The following MECOM variants were observed in gnomAD, a reference collection of about 807,000 sequenced individuals.
The protein encoded by MECOM is MDS1 and EVI1 complex locus.
Under a neutral mutation model 116.3 loss-of-function variants are expected in MECOM, and 13 were observed. The observed-to-expected ratio is 0.11, with a 90% CI of 0.07 to 0.18. The LOEUF (loss-of-function observed/expected upper bound fraction) is 0.18, where lower values mean the gene tolerates loss of function less well. Among genes scored for constraint, MECOM ranks in the 10% least tolerant of loss-of-function variants. The pLI is 1.00. For missense variants in MECOM, 1,299 were observed against 1,509.0 expected (o/e 0.86, Z 2.31); for synonymous variants, 528 against 535.2 (o/e 0.99, Z 0.19).
intron 1 of MECOM, among the ~76,000 whole-genome samples, chr3:169,477,319 T>C (rs908558077): frequency 6.6e-6 from 1 of 151,484 alleles, no homozygotes; most frequent in Non-Finnish European, 1.5e-5. Flanking sequence ...CTCATCAGCT[T>C]TTATCTTTGC....
intron 1 of MECOM, among the ~76,000 whole-genome samples, chr3:169,416,807 T>A (rs534868016): frequency 2.6e-5 from 4 of 151,944 alleles, no homozygotes; most frequent in Non-Finnish European, 5.9e-5. Context: ...ACGCCGCATA[T>A]CTACAACTAT....
intron 1 of MECOM, among the ~76,000 whole-genome samples, chr3:169,564,547 C>A (rs555502695): frequency 2.6e-5 from 4 of 152,220 alleles, no homozygotes; most frequent in African/African-American, 9.6e-5. Flanking sequence ...GTTTCCACAG[C>A]AGGTCTTAGG....
chr3:169,499,609 G>A (rs764401684), intron 1 of MECOM, among the ~76,000 whole-genome samples: 9 of 114,436 alleles, frequency 7.9e-5, no homozygotes, highest in East Asian at 2.5e-4. Flanking sequence ...AATTTACTTC[G>A]ACCAGGGGGA....
chr3:169,125,962 A>T (rs555815911), intron 5 of MECOM, among the ~76,000 whole-genome samples: 38 of 152,246 alleles, frequency 2.5e-4, no homozygotes, highest in African/African-American at 8.4e-4. Flanking sequence ...AAAGGAAAAA[A>T]TATTCAGAAA....
At chr3:169,277,423 A>G (rs183442632) in intron 2 of MECOM, among the ~76,000 whole-genome samples, 1 of 152,208 alleles carries the variant, frequency 6.6e-6, no homozygotes, top group Non-Finnish European at 1.5e-5. Flanking sequence ...GTTTCTATGC[A>G]GAAGTTTTTT....
chr3:169,388,005 G>A (rs1398674346), intron 1 of MECOM, among the ~76,000 whole-genome samples: 1 of 152,002 alleles, frequency 6.6e-6, no homozygotes, highest in South Asian at 2.1e-4. Flanking sequence ...AAAGAAGAGG[G>A]TGGGCCCAAG....
At chr3:169,105,421 C>A (rs767094876) in intron 10 of MECOM, among the ~76,000 whole-genome samples, 1 of 152,122 alleles carries the variant, frequency 6.6e-6, no homozygotes, top group South Asian at 2.1e-4. Flanking sequence ...CCAAAAGTAA[C>A]ACTTTTTTGC....
At chr3:169,250,154 G>C (rs1308351483) in intron 2 of MECOM, among the ~76,000 whole-genome samples, 3 of 152,160 alleles carry the variant, frequency 2.0e-5, no homozygotes, top group Non-Finnish European at 4.4e-5. Context: ...CTACAGAGCA[G>C]ACAATTTTCA....
intron 2 of MECOM, among the ~76,000 whole-genome samples, chr3:169,157,145 C>T (rs1019800227): frequency 9.9e-5 from 15 of 152,162 alleles, no homozygotes; most frequent in African/African-American, 1.7e-4. Context: ...TTCTATTGAA[C>T]GTGCTTGCTT....
rs1732347296 is a variant in MECOM, at chr3:169,381,320, T to C, written c.242A>G (p.Glu81Gly). Reference sequence around the variant, plus strand: ...CCCAGGCATATTTGACTCTCGAAGTTCAAACTCAGCAGGAATGGGGATATC... The same window carrying C: ...CCCAGGCATATTTGACTCTCGAAGTCCAAACTCAGCAGGAATGGGGATATC... ...PDDIPIPAEF[E>G]LRESNMPGAG... is the part of the protein sequence containing the mutation. Residue 81 changes from glutamate to glycine, a missense_variant, in exon 2 of 17, where the codon GAA becomes GGA. Glu to Gly is a moderately conservative substitution (Grantham distance 98). This residue lies in a region of MECOM where 374 missense variants were observed against 433.4 expected (regional missense o/e 0.86). Transcript: ENST00000651503. The C allele has an allele frequency of 6.2e-7, 1 of 1,613,844 alleles. No homozygotes were observed. Among genetic ancestry groups the C allele is most frequent in the Non-Finnish European group, 8.5e-7 (1 of 1,179,806 alleles).
chr3:169,368,666 T>C (rs1729583790), intron 2 of MECOM, among the ~76,000 whole-genome samples: 1 of 152,054 alleles, frequency 6.6e-6, no homozygotes, highest in Non-Finnish European at 1.5e-5. Context: ...GGAAAAAGCA[T>C]AGAGAATAGA....
chr3:169,364,187 C>A (rs934056892), intron 2 of MECOM, among the ~76,000 whole-genome samples: 1 of 152,006 alleles, frequency 6.6e-6, no homozygotes, highest in Admixed American at 6.6e-5. Context: ...TTTCATTCCA[C>A]AGAGTTCCAA....
At chr3:169,488,591 GT>G (rs1299257324) in intron 1 of MECOM, among the ~76,000 whole-genome samples, 6 of 151,688 alleles carry the variant, frequency 4.0e-5, no homozygotes, top group Non-Finnish European at 7.4e-5. Flanking sequence ...TATTTTTCCA[GT>G]TTATGTGAAG....
chr3:169,153,953 G>T (rs750466527), intron 2 of MECOM, among the ~76,000 whole-genome samples: 5 of 152,130 alleles, frequency 3.3e-5, no homozygotes, highest in Non-Finnish European at 5.9e-5. Context: ...TATACTTTGG[G>T]GAACAGCAAA....
chr3:169,482,083 T>G (rs1751374492), intron 1 of MECOM, among the ~76,000 whole-genome samples: 1 of 152,162 alleles, frequency 6.6e-6, no homozygotes, highest in Non-Finnish European at 1.5e-5. Context: ...AGATATCAAG[T>G]ACTTCATTAC....
intron 9 of MECOM, among the ~76,000 whole-genome samples, chr3:169,109,898 T>C (rs558844221): frequency 2.6e-5 from 4 of 152,278 alleles, no homozygotes; most frequent in South Asian, 2.1e-4. Context: ...TATTCAAAAA[T>C]TGTAAAACCA....
At chr3:169,113,066 G>T (rs557764112) in intron 8 of MECOM, among the ~76,000 whole-genome samples, 192 bp from the exon 9 acceptor site, 1 of 151,998 alleles carries the variant, frequency 6.6e-6, no homozygotes. Context: ...AAGAAGAAAA[G>T]TTCCTATTTA....
At chr3:169,087,688 TAA>T (rs58233988) in intron 16 of MECOM, among the ~76,000 whole-genome samples, 2 of 151,286 alleles carry the variant, frequency 1.3e-5, no homozygotes, top group African/African-American at 4.9e-5. Context: ...AATCAAGGGT[TAA>T]AAAAAAATAC....
chr3:169,106,238 T>G (rs1266938649), intron 10 of MECOM, among the ~76,000 whole-genome samples: 1 of 152,158 alleles, frequency 6.6e-6, no homozygotes, highest in Non-Finnish European at 1.5e-5. Flanking sequence ...TATTCCTATT[T>G]TATGGTTATC....
Sources: gnomAD v4.1 joint callset for allele counts (sites outside exome capture counted in the v4.1 genomes callset) on GRCh38, gnomAD v4.1.1 for gene constraint, gnomAD v4.1.1 regional missense constraint, MANE v1.5 for transcripts, NCBI Gene and HGNC (gene_info 2026-07-23, HGNC 2026-07-21) for gene names.